Variants in DOCK1 observed in about 807,000 individuals in gnomAD.
The protein encoded by DOCK1 is dedicator of cytokinesis protein 1.
A neutral mutation model predicts 262.7 loss-of-function variants in DOCK1; 138 were observed. The observed-to-expected ratio is 0.53, with a 90% confidence interval of 0.46 to 0.61. DOCK1 has a LOEUF of 0.61. Ranked by LOEUF, DOCK1 falls within the 20% of genes least tolerant of loss-of-function variation. The pLI, the probability that DOCK1 is intolerant of heterozygous loss-of-function variation, is 0.00. For synonymous variants in DOCK1, 866 were observed against 867.4 expected (o/e 1.00, Z 0.03); for missense variants, 1,908 against 2,370.7 (o/e 0.80, Z 4.05).
At chr10:127,138,898 ATCT>A (rs2050956270) in intron 27 of DOCK1, among the ~76,000 whole-genome samples, 1 of 152,174 alleles carries the variant, frequency 6.6e-6, no homozygotes, top group Non-Finnish European at 1.5e-5. Flanking sequence ...ACCACATTTG[ATCT>A]TCTAACTTGG....
chr10:127,266,154 C>T (rs1295968248), intron 29 of DOCK1, among the ~76,000 whole-genome samples: 2 of 152,210 alleles, frequency 1.3e-5, no homozygotes, highest in Non-Finnish European at 2.9e-5. Context: ...GTTCTACCTC[C>T]GTCCAGAGAA....
Position 126,990,466 on chromosome 10 carries a change from G to A in DOCK1, c.336G>A (p.Arg112=). ...IWRQLYVQDN[R]EMFRSVRHMI... ...TTTTCCCCGTATAGCAAGATAACAG[G>A]GAGATGTTTCGAAGTGTGCGGCACA... Residue 112 remains arginine (R), a synonymous_variant, in exon 6 of 52, where the codon AGG becomes AGA. Transcript: ENST00000623213. 2 of 1,609,390 alleles carry A rather than the reference G, an allele frequency of 1.2e-6. No individual in the cohort carries two copies. Among genetic ancestry groups the A allele is most frequent in the Non-Finnish European group, 1.7e-6 (2 of 1,177,782 alleles).
intron 14 of DOCK1, 104 bp from the exon 15 acceptor site, chr10:127,024,581 G>T (rs922241746): frequency 5.9e-5 from 54 of 911,758 alleles, no homozygotes; most frequent in Non-Finnish European, 8.8e-5. Flanking sequence ...GGGGTGTGTT[G>T]GTGTTCTTGG....
intron 10 of DOCK1, chr10:127,000,541 G>A: frequency 1.9e-6 from 1 of 523,134 alleles, no homozygotes. Context: ...GTTTTAAAGT[G>A]GATCCCATCT....
intron 22 of DOCK1, among the ~76,000 whole-genome samples, chr10:127,055,938 T>C (rs2135770252): frequency 6.6e-6 from 1 of 152,314 alleles, no homozygotes; most frequent in East Asian, 1.9e-4. Flanking sequence ...ACATGATCGC[T>C]CTACCTGCCT....
chr10:127,087,294 C>A (rs2047254070), intron 23 of DOCK1, among the ~76,000 whole-genome samples: 1 of 152,156 alleles, frequency 6.6e-6, no homozygotes, highest in African/African-American at 2.4e-5. Flanking sequence ...ATCAGCTTCT[C>A]AAGTGGATGC....
Position 127,286,547 on chromosome 10 carries a change from G to A in DOCK1, c.3044+29118G>A, listed in dbSNP as rs143961794. Among the ~76,000 whole-genome samples the A allele has an allele frequency of 3.9e-4, 60 of 152,036 alleles. 1 individual carries two copies. In the East Asian group the frequency reaches 9.9e-3, roughly 25 times the overall value. On this transcript the variant is annotated intron_variant, in intron 29 of 51. Transcript: ENST00000623213. The stretch of plus-strand genomic sequence containing the variant: ...ATACTACAGCTCTGTTTTAACCATC[G>A]TTCACCTTTACCACTGTCAACCATA...
intron 27 of DOCK1, among the ~76,000 whole-genome samples, chr10:127,208,570 AT>A (rs1482238774): frequency 1.3e-5 from 2 of 152,212 alleles, no homozygotes; most frequent in Non-Finnish European, 2.9e-5. Flanking sequence ...TTTCACTAAA[AT>A]AAAAATCAAT....
rs188609116 is a variant in DOCK1, at chr10:127,050,549, A to G, written c.2202-2132A>G. ...AATATGGTGAAACCCTGTCTCTACT[A>G]AAAATACAAAACTTAGCTGGGCGTG... On this transcript the variant is annotated intron_variant, in intron 21 of 51. Transcript: ENST00000623213. Among the ~76,000 whole-genome samples, 525 of 152,074 alleles carry G rather than the reference A, an allele frequency of 3.5e-3. 3 individuals carry two copies. Among genetic ancestry groups the G allele is most frequent in the African/African-American group, 0.012 (478 of 41,486 alleles).
At chr10:127,291,006 G>T (rs2061329387) in intron 29 of DOCK1, among the ~76,000 whole-genome samples, 1 of 152,160 alleles carries the variant, frequency 6.6e-6, no homozygotes, top group Admixed American at 6.5e-5. Context: ...TGGGAGGCAG[G>T]ACTTTAAGGT....
intron 27 of DOCK1, among the ~76,000 whole-genome samples, chr10:127,236,283 T>C (rs2059047968): frequency 6.6e-6 from 1 of 152,032 alleles, no homozygotes; most frequent in Non-Finnish European, 1.5e-5. Flanking sequence ...TGAGTCAATT[T>C]TTGTATACGG....
intron 29 of DOCK1, among the ~76,000 whole-genome samples, chr10:127,279,565 G>A (rs140698621): frequency 9.2e-5 from 14 of 152,242 alleles, no homozygotes; most frequent in East Asian, 3.9e-4. Context: ...ACCCTCTGCC[G>A]GTTGAGTAAA....
chr10:127,122,871 C>T (rs2049697324), intron 25 of DOCK1, among the ~76,000 whole-genome samples: 1 of 152,136 alleles, frequency 6.6e-6, no homozygotes, highest in Non-Finnish European at 1.5e-5. Context: ...TCTTTCTTCT[C>T]ACCAGAGTAA....
At chr10:127,251,288 A>G (rs1390662099) in intron 28 of DOCK1, among the ~76,000 whole-genome samples, 1 of 152,146 alleles carries the variant, frequency 6.6e-6, no homozygotes, top group Non-Finnish European at 1.5e-5. Flanking sequence ...TTACTCTGAC[A>G]ACTATTAAAT....
chr10:127,088,154 C>A (rs1329666116), intron 23 of DOCK1, among the ~76,000 whole-genome samples: 1 of 152,116 alleles, frequency 6.6e-6, no homozygotes, highest in African/African-American at 2.4e-5. Flanking sequence ...TCATATTTTT[C>A]TTTATCATAT....
Position 127,242,594 on chromosome 10 carries a change from T to C in DOCK1, c.2848-5414T>C, listed in dbSNP as rs375824340. 2.6e-4 allele frequency among the ~76,000 whole-genome samples: 39 copies of C among 152,346 alleles called. No homozygotes were observed. In the South Asian group the frequency reaches 8.1e-3, roughly 32 times the overall value. Reference sequence around the variant, plus strand: ...TGCTTTACAGTATTGATTCTTTGGCTTGAATGCGCCCCAAAAGAAAAATCA... The same window carrying C: ...TGCTTTACAGTATTGATTCTTTGGCCTGAATGCGCCCCAAAAGAAAAATCA... On this transcript the variant is annotated intron_variant, in intron 27 of 51. Coordinates refer to ENST00000623213, the MANE Select transcript of DOCK1 (RefSeq NM_001290223.2).
At chr10:127,376,927 C>T (rs969439223) in intron 35 of DOCK1, among the ~76,000 whole-genome samples, 4 of 152,220 alleles carry the variant, frequency 2.6e-5, no homozygotes, top group African/African-American at 7.2e-5. Flanking sequence ...CCTACAATCA[C>T]GGTTTCTAAT....
intron 2 of DOCK1, among the ~76,000 whole-genome samples, chr10:126,976,481 G>A (rs2038551809): frequency 6.6e-6 from 1 of 152,124 alleles, no homozygotes; most frequent in Non-Finnish European, 1.5e-5. Flanking sequence ...TCACTTTCTG[G>A]TTCACAATCA....
intron 37 of DOCK1, among the ~76,000 whole-genome samples, chr10:127,382,908 A>C (rs1209756644): frequency 1.3e-5 from 2 of 152,246 alleles, no homozygotes; most frequent in Non-Finnish European, 2.9e-5. Flanking sequence ...TCAAATCGAT[A>C]GGCCCAATTG....
Sources: allele counts gnomAD v4.1 joint callset (sites outside exome capture counted in the v4.1 genomes callset), GRCh38; gene constraint gnomAD v4.1.1; transcripts MANE v1.5; gene names NCBI Gene and HGNC (gene_info 2026-07-23, HGNC 2026-07-21).